Variants in TANC1 observed in about 807,000 individuals in gnomAD.
TANC1 encodes tetratricopeptide repeat, ankyrin repeat and coiled-coil containing 1.
TANC1 carries 77 observed loss-of-function variants against 149.7 expected under a neutral mutation model. The observed-to-expected ratio is 0.51, with a 90% CI of 0.43 to 0.62. The LOEUF (loss-of-function observed/expected upper bound fraction) is 0.62. Ranked by LOEUF, TANC1 falls within the 20% of genes least tolerant of loss-of-function variation. The pLI, the probability that TANC1 is intolerant of heterozygous loss-of-function variation, is 0.00. For synonymous variants in TANC1, 854 were observed against 925.0 expected, an observed-to-expected ratio of 0.92 and a Z score of 1.39; for missense variants, 1,985 against 2,321.8, an observed-to-expected ratio of 0.85 and a Z score of 2.98.
At chr2:159,114,175 G>A (rs762879505) in intron 4 of TANC1, among the ~76,000 whole-genome samples, 5 of 152,116 alleles carry the variant, frequency 3.3e-5, no homozygotes, top group East Asian at 1.9e-4. Context: ...ACAAGACAAC[G>A]AGCTGATACC....
chr2:159,083,633 T>C (rs1009439730), intron 3 of TANC1, among the ~76,000 whole-genome samples: 4 of 152,230 alleles, frequency 2.6e-5, no homozygotes, highest in Admixed American at 1.3e-4. Context: ...GTAATAGCTA[T>C]TGAACGTAAT....
chr2:159,195,010 G>C (rs1354324706), intron 17 of TANC1, among the ~76,000 whole-genome samples: 2 of 152,124 alleles, frequency 1.3e-5, no homozygotes, highest in South Asian at 2.1e-4. Flanking sequence ...ATGACTTCAG[G>C]CTTCTTATCT....
chr2:159,129,617 T>C (rs532679467), intron 4 of TANC1, among the ~76,000 whole-genome samples: 1 of 152,270 alleles, frequency 6.6e-6, no homozygotes, highest in East Asian at 1.9e-4. Flanking sequence ...TTTGGGTTTA[T>C]GGCTGTGTAA....
At chr2:159,053,916 A>C (rs1190016603) in intron 2 of TANC1, among the ~76,000 whole-genome samples, 5 of 152,116 alleles carry the variant, frequency 3.3e-5, no homozygotes, top group Non-Finnish European at 2.9e-5. Flanking sequence ...CATGGACAGC[A>C]CTGTAGTTTG....
intron 2 of TANC1, among the ~76,000 whole-genome samples, chr2:159,007,455 G>GT (rs1170613822): frequency 6.6e-6 from 1 of 152,064 alleles, no homozygotes; most frequent in Admixed American, 6.6e-5. Context: ...CATATGCTGT[G>GT]TTTTTACTGT....
At chr2:158,981,364 C>T (rs1056197676) in intron 1 of TANC1, among the ~76,000 whole-genome samples, 1 of 150,788 alleles carries the variant, frequency 6.6e-6, no homozygotes, top group Non-Finnish European at 1.5e-5. Flanking sequence ...GAGCCTGAGG[C>T]GGGAGGATTG....
chr2:159,147,374 A>G (rs1256226709), intron 5 of TANC1, among the ~76,000 whole-genome samples: 3 of 152,126 alleles, frequency 2.0e-5, no homozygotes, highest in African/African-American at 7.2e-5. Flanking sequence ...CCTCCAGCCC[A>G]GCTGCCACCT....
chr2:158,999,584 T>G (rs1358191243), intron 1 of TANC1, among the ~76,000 whole-genome samples: 1 of 152,118 alleles, frequency 6.6e-6, no homozygotes. Flanking sequence ...ATTTTGGGCG[T>G]TCTGTTTTTG....
chr2:159,107,978 A>G (rs367974221), intron 4 of TANC1, among the ~76,000 whole-genome samples: 2 of 152,336 alleles, frequency 1.3e-5, no homozygotes, highest in Admixed American at 6.5e-5. Context: ...ACAGGATCCA[A>G]TTGTATCTTC....
At position 159,063,656 on chromosome 2, in the gene TANC1, G is replaced by T. The variant is rs572183778; in HGVS notation, c.-15-2240G>T. On this transcript the variant is annotated intron_variant, in intron 2 of 26. Coordinates refer to ENST00000263635, the MANE Select transcript of TANC1 (RefSeq NM_033394.3). Reference sequence around the variant, plus strand: ...ATAAAATTTAAGCTATTTACCTCGAGTTGCTATTTATGGAGGAAAACAGGA... The same window carrying T: ...ATAAAATTTAAGCTATTTACCTCGATTTGCTATTTATGGAGGAAAACAGGA... Among the ~76,000 whole-genome samples the T allele has an allele frequency of 1.3e-5, 2 of 152,306 alleles. 1 individual carries two copies. The highest frequency in any genetic ancestry group is 4.1e-4 in the South Asian group (2 of 4,824).
At chr2:159,059,997 C>A in intron 2 of TANC1, 1 of 216,980 alleles carries the variant, frequency 4.6e-6, no homozygotes, top group Non-Finnish European at 7.3e-6. Context: ...TTGCTTTAGT[C>A]TGTATTATTT....
At chr2:159,046,062 C>T (rs566754360) in intron 2 of TANC1, among the ~76,000 whole-genome samples, 2 of 152,000 alleles carry the variant, frequency 1.3e-5, no homozygotes, top group South Asian at 4.2e-4. Flanking sequence ...GTGTATTGCC[C>T]ATAGAGATTT....
At chr2:159,176,550 TC>T in intron 13 of TANC1, 32 bp downstream of exon 13, 1 of 1,528,774 alleles carries the variant, frequency 6.5e-7, no homozygotes, top group Non-Finnish European at 8.9e-7. Context: ...TTTCTCCAAG[TC>T]CCCATTCCAA....
At chr2:159,159,692 G>GTC (rs2053813116) in intron 7 of TANC1, among the ~76,000 whole-genome samples, 1 of 35,096 alleles carries the variant, frequency 2.8e-5, no homozygotes, top group Admixed American at 2.3e-4. Flanking sequence ...ATACACATAC[G>GTC]TGTGTGTGTG....
At chr2:158,991,380 A>G (rs1337663103) in intron 1 of TANC1, among the ~76,000 whole-genome samples, 1 of 152,184 alleles carries the variant, frequency 6.6e-6, no homozygotes, top group East Asian at 1.9e-4. Flanking sequence ...AGAATGAGGT[A>G]GGTTTATGTG....
intron 2 of TANC1, among the ~76,000 whole-genome samples, chr2:159,047,251 T>C (rs910036573): frequency 6.6e-6 from 1 of 151,172 alleles, no homozygotes; most frequent in Non-Finnish European, 1.5e-5. Flanking sequence ...CACGCTTGTC[T>C]GCTTTTCCCA....
intron 2 of TANC1, among the ~76,000 whole-genome samples, chr2:159,013,631 C>T (rs1457505180): frequency 2.6e-5 from 4 of 152,142 alleles, no homozygotes; most frequent in African/African-American, 7.2e-5. Context: ...ACAGTACCGA[C>T]GGTCTATATC....
intron 19 of TANC1, among the ~76,000 whole-genome samples, chr2:159,201,671 A>T (rs976204032): frequency 3.9e-5 from 6 of 152,256 alleles, no homozygotes; most frequent in African/African-American, 1.4e-4. Context: ...GCACAAGGAT[A>T]GGATCCCAAG....
chr2:159,023,202 G>C (rs2038968658), intron 2 of TANC1, among the ~76,000 whole-genome samples: 1 of 152,044 alleles, frequency 6.6e-6, no homozygotes, highest in Non-Finnish European at 1.5e-5. Flanking sequence ...GAGTGACTAG[G>C]AGTTGTCCAG....
Sources: gnomAD v4.1 joint callset for allele counts (sites outside exome capture counted in the v4.1 genomes callset) on GRCh38, gnomAD v4.1.1 for gene constraint, MANE v1.5 for transcripts, NCBI Gene and HGNC (gene_info 2026-07-23, HGNC 2026-07-21) for gene names.